Variants in ADAMTSL1 observed in about 807,000 individuals in gnomAD.
The protein encoded by ADAMTSL1 is ADAMTS-like protein 1.
In ADAMTSL1, 126 loss-of-function variants were observed where a neutral mutation model predicts 201.8. That is an observed-to-expected ratio of 0.62 (90% confidence interval 0.54 to 0.72). The LOEUF is 0.72. ADAMTSL1 is among the 30% of genes least tolerant of loss of function. ADAMTSL1 has a pLI of 0.00. For synonymous variants in ADAMTSL1, 1,121 were observed against 903.4 expected (o/e 1.24, Z -4.32); for missense variants, 2,679 against 2,277.8 (o/e 1.18, Z -3.59).
chr9:18,340,046 T>A (rs1563897674), intron 2 of ADAMTSL1, among the ~76,000 whole-genome samples: 2 of 152,188 alleles, frequency 1.3e-5, no homozygotes, highest in African/African-American at 4.8e-5. Flanking sequence ...ACTTCACATC[T>A]GATGTTACTC....
chr9:18,728,639 G>A (rs1818041446), intron 15 of ADAMTSL1, among the ~76,000 whole-genome samples: 1 of 152,186 alleles, frequency 6.6e-6, no homozygotes, highest in African/African-American at 2.4e-5. Context: ...GGAAGCTTGA[G>A]GCTGAGAGAA....
At chr9:17,960,729 C>T (rs73643111) in intron 1 of ADAMTSL1, among the ~76,000 whole-genome samples, 6,045 of 152,222 alleles carry the variant, frequency 0.04, 353 homozygotes, top group African/African-American at 0.13. Context: ...TTTAACATCT[C>T]GGTCTTTTTA....
At chr9:18,197,305 C>G (rs1463360065) in intron 2 of ADAMTSL1, among the ~76,000 whole-genome samples, 2 of 152,036 alleles carry the variant, frequency 1.3e-5, no homozygotes, top group Non-Finnish European at 2.9e-5. Flanking sequence ...TTCTTCCAAC[C>G]CATGAGCATG....
intron 4 of ADAMTSL1, among the ~76,000 whole-genome samples, chr9:18,607,034 C>G (rs528460531): frequency 1.3e-5 from 2 of 152,058 alleles, no homozygotes; most frequent in South Asian, 4.1e-4. Flanking sequence ...GACAAACCAG[C>G]CAACAATGAG....
intron 2 of ADAMTSL1, among the ~76,000 whole-genome samples, chr9:18,468,335 T>C (rs1821085113): frequency 6.6e-6 from 1 of 152,248 alleles, no homozygotes. Context: ...TGTTTTGTTT[T>C]GTTTTGGGGA....
chr9:18,290,791 T>TG (rs1563862963), intron 2 of ADAMTSL1, among the ~76,000 whole-genome samples: 5 of 137,448 alleles, frequency 3.6e-5, no homozygotes, highest in African/African-American at 7.9e-5. Flanking sequence ...GTTTTTTTTT[T>TG]TTTTTTTTGA....
intron 4 of ADAMTSL1, among the ~76,000 whole-genome samples, chr9:18,585,074 C>T (rs1335254520): frequency 1.3e-5 from 2 of 152,132 alleles, no homozygotes; most frequent in African/African-American, 2.4e-5. Flanking sequence ...ATTCCAAAGC[C>T]GGAAAGTGAC....
intron 1 of ADAMTSL1, among the ~76,000 whole-genome samples, chr9:17,943,113 C>A (rs1313273656): frequency 1.3e-5 from 2 of 151,942 alleles, no homozygotes; most frequent in Non-Finnish European, 2.9e-5. Context: ...TTTCTCTCTT[C>A]TCTTCTTCTC....
chr9:18,293,738 G>A (rs184703444), intron 2 of ADAMTSL1, among the ~76,000 whole-genome samples: 1 of 152,234 alleles, frequency 6.6e-6, no homozygotes, highest in Non-Finnish European at 1.5e-5. Context: ...ATAACCTTCT[G>A]TTTAACTGGT....
intron 1 of ADAMTSL1, among the ~76,000 whole-genome samples, chr9:18,079,021 C>T (rs185903456): frequency 1.3e-5 from 2 of 152,150 alleles, no homozygotes; most frequent in Non-Finnish European, 2.9e-5. Context: ...GAACCTGTAT[C>T]TGTGGAACCT....
chr9:18,123,008 G>T (rs866373981), intron 1 of ADAMTSL1, among the ~76,000 whole-genome samples: 3 of 152,056 alleles, frequency 2.0e-5, no homozygotes, highest in African/African-American at 7.2e-5. Flanking sequence ...CAAAGTGCTG[G>T]GATTATAGAC....
chr9:18,031,236 A>C (rs1820942186), intron 1 of ADAMTSL1, among the ~76,000 whole-genome samples: 1 of 152,184 alleles, frequency 6.6e-6, no homozygotes, highest in Non-Finnish European at 1.5e-5. Flanking sequence ...AAATTGCTAG[A>C]GTTCTTGCAC....
intron 19 of ADAMTSL1, among the ~76,000 whole-genome samples, chr9:18,786,107 T>C (rs374740137): frequency 6.6e-6 from 1 of 152,248 alleles, no homozygotes; most frequent in African/African-American, 2.4e-5. Context: ...ACTTAAAGAA[T>C]AATATGAAAC....
intron 2 of ADAMTSL1, among the ~76,000 whole-genome samples, chr9:18,213,621 A>T (rs1026852312): frequency 1.3e-5 from 2 of 152,188 alleles, no homozygotes; most frequent in African/African-American, 2.4e-5. Context: ...CTGTTTCAGA[A>T]ATCTATTTCT....
At chr9:18,094,555 C>T (rs921926980) in intron 1 of ADAMTSL1, among the ~76,000 whole-genome samples, 3 of 151,902 alleles carry the variant, frequency 2.0e-5, no homozygotes, top group African/African-American at 7.3e-5. Flanking sequence ...AAAGATGACT[C>T]TGCCTCATTT....
rs1170444383 is a variant in ADAMTSL1, at chr9:18,181,357, A to G, written c.207+17376A>G. Among the ~76,000 whole-genome samples the G allele has an allele frequency of 3.9e-5, 6 of 152,326 alleles. No individual in the cohort carries two copies. The East Asian group carries it at 7.7e-4, about 20-fold the overall frequency. On this transcript the variant is annotated intron_variant, in intron 2 of 29. Transcript: ENST00000680146. Reference sequence around the variant, plus strand: ...CATCAGAGTGAACAGGCAATCTACAAAATGGGAGAAAATTTTTGCAAGCTA... The same window carrying G: ...CATCAGAGTGAACAGGCAATCTACAGAATGGGAGAAAATTTTTGCAAGCTA...
At chr9:18,755,435 C>CT in intron 16 of ADAMTSL1, among the ~76,000 whole-genome samples, 1 of 152,256 alleles carries the variant, frequency 6.6e-6, no homozygotes, top group African/African-American at 2.4e-5. Flanking sequence ...AAGAATGCTC[C>CT]TTATAGGCCC....
chr9:18,222,360 A>G (rs968559632), intron 2 of ADAMTSL1, among the ~76,000 whole-genome samples: 1 of 151,354 alleles, frequency 6.6e-6, no homozygotes, highest in African/African-American at 2.4e-5. Context: ...GGCTTGGTTT[A>G]TTTTATTTAT....
intron 3 of ADAMTSL1, among the ~76,000 whole-genome samples, chr9:18,571,313 T>A (rs1822281033): frequency 6.6e-6 from 1 of 152,224 alleles, no homozygotes; most frequent in Non-Finnish European, 1.5e-5. Flanking sequence ...AGCCTGACCC[T>A]TCTAACTGTT....
Sources: allele counts gnomAD v4.1 joint callset (sites outside exome capture counted in the v4.1 genomes callset), GRCh38; gene constraint gnomAD v4.1.1; transcripts MANE v1.5; gene names NCBI Gene and HGNC (gene_info 2026-07-23, HGNC 2026-07-21).